PEBP4: variants seen among roughly 807,000 people sequenced by gnomAD.
PEBP4 encodes phosphatidylethanolamine binding protein 4.
In PEBP4, 22 loss-of-function variants were observed where a neutral mutation model predicts 23.9. The observed-to-expected ratio is 0.92, with a 90% CI of 0.66 to 1.31. The LOEUF is 1.31. Among genes scored for constraint, PEBP4 ranks in the 40% most tolerant of loss-of-function variants. PEBP4 has a pLI of 0.00. For missense variants in PEBP4, 324 were observed against 281.7 expected, an observed-to-expected ratio of 1.15 and a Z score of -1.07; for synonymous variants, 112 against 99.3, an observed-to-expected ratio of 1.13 and a Z score of -0.76.
chr8:22,880,919 TG>T (rs567691180), intron 3 of PEBP4, among the ~76,000 whole-genome samples: 33 of 152,226 alleles, frequency 2.2e-4, no homozygotes, highest in Non-Finnish European at 4.1e-4. Context: ...GGCCAGGGCC[TG>T]GGCCCTGCTT....
chr8:22,886,501 T>C (rs1390627041), intron 3 of PEBP4: 1 of 152,272 alleles, frequency 6.6e-6, no homozygotes, highest in African/African-American at 2.4e-5. Context: ...TGGAATCATG[T>C]AGCAAGCATT....
chr8:22,719,951 G>C (rs868501482), intron 6 of PEBP4, among the ~76,000 whole-genome samples: 1 of 152,248 alleles, frequency 6.6e-6, no homozygotes, highest in Non-Finnish European at 1.5e-5. Flanking sequence ...AAGCTGACGT[G>C]TGTTTGCAAA....
chr8:22,888,258 A>G (rs1203420778), intron 3 of PEBP4, among the ~76,000 whole-genome samples: 1 of 151,660 alleles, frequency 6.6e-6, no homozygotes, highest in Non-Finnish European at 1.5e-5. Flanking sequence ...GGTTCAAGCA[A>G]TTCTCCCACC....
chr8:22,870,166 T>A (rs373115146), intron 3 of PEBP4, among the ~76,000 whole-genome samples: 1 of 152,204 alleles, frequency 6.6e-6, no homozygotes, highest in African/African-American at 2.4e-5. Context: ...TGTTTATTCA[T>A]AATTGCTAAA....
chr8:22,815,611 A>G (rs1445397805), intron 4 of PEBP4, among the ~76,000 whole-genome samples: 1 of 152,204 alleles, frequency 6.6e-6, no homozygotes, highest in Non-Finnish European at 1.5e-5. Context: ...CTCACGAGGG[A>G]AGCAGTGCAA....
intron 3 of PEBP4, among the ~76,000 whole-genome samples, chr8:22,904,132 G>A (rs1473725578): frequency 2.0e-5 from 3 of 152,170 alleles, no homozygotes; most frequent in Admixed American, 6.5e-5. Context: ...AATACTCCAC[G>A]GAGGCTGGGG....
At chr8:22,836,333 C>G (rs187306485) in intron 3 of PEBP4, among the ~76,000 whole-genome samples, 64 of 152,332 alleles carry the variant, frequency 4.2e-4, no homozygotes, top group Non-Finnish European at 7.5e-4. Flanking sequence ...CTCTCTTCCC[C>G]CTGCTCAGAG....
intron 3 of PEBP4, among the ~76,000 whole-genome samples, chr8:22,838,610 G>T (rs750437513): frequency 1.3e-5 from 2 of 152,256 alleles, no homozygotes; most frequent in Non-Finnish European, 2.9e-5. Context: ...GGCTAGGGCC[G>T]GCAAGTTCAG....
chr8:22,725,628 C>T (rs1226003739), intron 5 of PEBP4, among the ~76,000 whole-genome samples: 14 of 152,138 alleles, frequency 9.2e-5, no homozygotes, highest in Non-Finnish European at 1.2e-4. Flanking sequence ...GAGTCAAGGT[C>T]CTGCTGGCCT....
chr8:22,860,887 CTG>C (rs1320000046), intron 3 of PEBP4, among the ~76,000 whole-genome samples: 3 of 152,250 alleles, frequency 2.0e-5, no homozygotes, highest in Non-Finnish European at 4.4e-5. Context: ...TCATGACACA[CTG>C]TGCTGCCACG....
chr8:22,906,027 AG>A (rs1317948713), intron 3 of PEBP4, among the ~76,000 whole-genome samples: 1 of 152,172 alleles, frequency 6.6e-6, no homozygotes, highest in African/African-American at 2.4e-5. Flanking sequence ...AGTTTGAGGC[AG>A]CCGCTGACAT....
At chr8:22,752,398 A>G (rs1381586704) in intron 4 of PEBP4, among the ~76,000 whole-genome samples, 1 of 152,258 alleles carries the variant, frequency 6.6e-6, no homozygotes, top group Non-Finnish European at 1.5e-5. Flanking sequence ...AAAGCAAACT[A>G]AGTCTACGGT....
chr8:22,838,443 A>G (rs769183800), intron 3 of PEBP4, among the ~76,000 whole-genome samples: 1 of 152,098 alleles, frequency 6.6e-6, no homozygotes, highest in Non-Finnish European at 1.5e-5. Context: ...ATTGCTTGCT[A>G]AGGAGCCTGC....
chr8:22,751,608 GTC>G (rs1554481606), intron 4 of PEBP4, among the ~76,000 whole-genome samples: 73 of 130,766 alleles, frequency 5.6e-4, no homozygotes, highest in South Asian at 4.2e-3. Flanking sequence ...GTGTGTGTGT[GTC>G]TGTGTGTGTG....
At chr8:22,802,685 C>T (rs1279407377) in intron 4 of PEBP4, among the ~76,000 whole-genome samples, 1 of 152,210 alleles carries the variant, frequency 6.6e-6, no homozygotes, top group African/African-American at 2.4e-5. Flanking sequence ...CCAATCTCAT[C>T]GGTGTTCCAA....
chr8:22,727,824 T>G (rs965508553), intron 4 of PEBP4, among the ~76,000 whole-genome samples: 1 of 152,176 alleles, frequency 6.6e-6, no homozygotes. Flanking sequence ...GGGCAGTTTC[T>G]TTGGCCACTG....
At chr8:22,844,595 C>G (rs1807389666) in intron 3 of PEBP4, among the ~76,000 whole-genome samples, 1 of 152,202 alleles carries the variant, frequency 6.6e-6, no homozygotes, top group Non-Finnish European at 1.5e-5. Flanking sequence ...TTCCCTTTCA[C>G]TTAACTGTGT....
At chr8:22,785,490 A>C (rs1213522818) in intron 4 of PEBP4, among the ~76,000 whole-genome samples, 4 of 152,164 alleles carry the variant, frequency 2.6e-5, no homozygotes, top group Non-Finnish European at 5.9e-5. Flanking sequence ...TCTAAAAGGC[A>C]AATTGAGGTC....
intron 3 of PEBP4, among the ~76,000 whole-genome samples, chr8:22,881,230 T>A (rs1218965036): frequency 6.6e-6 from 1 of 152,182 alleles, no homozygotes; most frequent in East Asian, 1.9e-4. Flanking sequence ...TCCCACATCC[T>A]CCCTTTCTCC....
Sources: gnomAD v4.1 joint callset for allele counts (sites outside exome capture counted in the v4.1 genomes callset) on GRCh38, gnomAD v4.1.1 for gene constraint, MANE v1.5 for transcripts, NCBI Gene and HGNC (gene_info 2026-07-23, HGNC 2026-07-21) for gene names.